Variants in GINS4 observed in about 807,000 individuals in gnomAD.
GINS4 encodes the protein GINS complex subunit 4.
A neutral mutation model predicts 31.1 loss-of-function variants in GINS4; 20 were observed. That is an observed-to-expected ratio of 0.64 (90% CI 0.45 to 0.93). GINS4 has a LOEUF of 0.93. Ranked by LOEUF, GINS4 falls within the 40% of genes least tolerant of loss-of-function variation. GINS4 has a pLI of 0.00. For missense variants in GINS4, 245 were observed against 273.9 expected (o/e 0.89, Z 0.75); for synonymous variants, 85 against 97.9 (o/e 0.87, Z 0.78).
rs141250807 is a variant in GINS4, at chr8:41,530,212, G to C, written c.10G>C (p.Glu4Gln). 4.8e-5 allele frequency: 78 copies of C among 1,613,058 alleles called. No homozygotes were observed. Among genetic ancestry groups the C allele is most frequent in the Non-Finnish European group, 8.5e-6 (10 of 1,179,186 alleles). The change falls in exon 2 of 8, where the codon GAA becomes CAA. Residue 4 changes from glutamate to glutamine, a missense_variant. Physicochemically the swap from Glu to Gln is conservative, Grantham distance 29. Transcript: ENST00000276533. MTE[E>Q]VDFLGQDSDG... ...CCTGGTTTCAGAGAAGATGACCGAA[G>C]AAGTGGATTTCCTGGGACAGGACTC...
intron 2 of GINS4, 58 bp from the exon 3 acceptor site, chr8:41,536,302 C>A: frequency 1.9e-6 from 2 of 1,040,754 alleles, no homozygotes; most frequent in Non-Finnish European, 3.0e-6. Flanking sequence ...GGCTGACTCA[C>A]TGGGTTGTTT....
Position 41,542,068 on chromosome 8 carries a change from G to C in GINS4, c.653G>C (p.Gly218Ala), listed in dbSNP as rs1806851469. Residue 218 changes from glycine (G) to alanine (A), a missense_variant, in exon 8 of 8, where the codon GGA becomes GCA. Coordinates refer to ENST00000276533, the MANE Select transcript of GINS4 (RefSeq NM_032336.3). ...ACCATTGCACCTCTGGTTGCATCTG[G>C]AGCTGTCCAGCTAATTTAAAACTAG... Reference protein sequence around the residue: ...YKTIAPLVASGAVQLI With the variant: ...YKTIAPLVASAAVQLI The C allele has an allele frequency of 1.2e-6, 2 of 1,613,680 alleles. No individual in the cohort carries two copies. Among genetic ancestry groups the C allele is most frequent in the Non-Finnish European group, 1.7e-6 (2 of 1,179,768 alleles).
rs768474635 is a variant in GINS4, at chr8:41,539,711, GA to G, written c.337del (p.Thr113HisfsTer29). The G allele has an allele frequency of 1.1e-5, 17 of 1,613,918 alleles. No individual in the cohort carries two copies. Among genetic ancestry groups the G allele is most frequent in the Non-Finnish European group, 1.4e-5 (16 of 1,179,964 alleles). ...EKFFPHVLEK[E>X]KTRPEGEPSS... ...GTTTTTCCCTCATGTCCTTGAGAAGGAAAAAACACGTCCTGAGGGGGAGCCT... is the reference window on the plus strand; with the variant it reads ...GTTTTTCCCTCATGTCCTTGAGAAGGAAAAACACGTCCTGAGGGGGAGCCT... On this transcript the variant is annotated frameshift_variant, in exon 5 of 8. Coordinates refer to ENST00000276533, the MANE Select transcript of GINS4 (RefSeq NM_032336.3). LOFTEE classifies it high-confidence loss of function.
At position 41,542,547 on chromosome 8, in the gene GINS4, T is replaced by C; in HGVS notation, c.*460T>C. 1 of 174,340 alleles carries C rather than the reference T, an allele frequency of 5.7e-6. No homozygotes were observed. 10.8% of individuals were successfully genotyped at this position (174,340 alleles called of 1,614,324 possible). On this transcript the variant is annotated 3_prime_UTR_variant, in exon 8 of 8. Coordinates refer to ENST00000276533, the MANE Select transcript of GINS4 (RefSeq NM_032336.3). ...TGGCGGGCCCATCTACTCAGGAGGC[T>C]GAGGCAGGAGAATGGTGTGAACCCG...
chr8:41,537,372 C>CCCCAGCCCAAG, intron 4 of GINS4, 79 bp downstream of exon 4: 2 of 1,087,814 alleles, frequency 1.8e-6, no homozygotes, highest in Non-Finnish European at 2.8e-6. Flanking sequence ...AAAACTTGGG[C>CCCCAGCCCAAG]TGGGGCCCAG....
rs61367318 is a variant in GINS4, at chr8:41,542,381, C to CA, written c.*305dup. On this transcript the variant is annotated 3_prime_UTR_variant, in exon 8 of 8. Coordinates refer to ENST00000276533, the MANE Select transcript of GINS4 (RefSeq NM_032336.3). ...CCTGGGTGACAGTGAGACTTTGTCT[C>CA]AAAAAAAAAAACAAAAAACAAAAAA... The CA allele has an allele frequency of 0.29, 51,238 of 177,842 alleles. 4,014 individuals carry two copies. Among genetic ancestry groups the CA allele is most frequent in the Middle Eastern group, 0.35 (164 of 468 alleles). 11.0% of individuals were successfully genotyped at this position (177,842 alleles called of 1,614,324 possible). A position where few individuals can be genotyped will look rare whatever the true frequency, so the allele number is the denominator to read the frequency against.
chr8:41,539,342 A>AC (rs1806795962), intron 4 of GINS4, among the ~76,000 whole-genome samples: 1 of 151,162 alleles, frequency 6.6e-6, no homozygotes, highest in African/African-American at 2.4e-5. Context: ...AAAAAAAAAA[A>AC]ACCTTATGTG....
At chr8:41,532,133 G>A (rs1806655731) in intron 2 of GINS4, among the ~76,000 whole-genome samples, 1 of 152,180 alleles carries the variant, frequency 6.6e-6, no homozygotes, top group Non-Finnish European at 1.5e-5. Context: ...AGAGTGAAAA[G>A]ACAGGCCACC....
At chr8:41,535,073 C>T (rs1214762843) in intron 2 of GINS4, among the ~76,000 whole-genome samples, 3 of 151,886 alleles carry the variant, frequency 2.0e-5, no homozygotes, top group Non-Finnish European at 2.9e-5. Context: ...CTCGGTGGCT[C>T]ACGCCTCTAA....
In GINS4 at chr8:41,541,940, G is replaced by A. The variant is rs78860704; in HGVS notation, c.575+41G>A. ...CTTTCACAGTGGGCACATTCCTCCC[G>A]ATGGAGGGCCAGCCGAGCTCTGCAG... On this transcript the variant is annotated intron_variant, in intron 7 of 7. Transcript: ENST00000276533. The A allele has an allele frequency of 1.3e-3, 2,143 of 1,609,212 alleles. 6 individuals carry two copies. The highest frequency in any genetic ancestry group is 0.011 in the African/African-American group (820 of 74,956).
chr8:41,530,344 T>C, intron 2 of GINS4, 46 bp downstream of exon 2: 1 of 1,378,114 alleles, frequency 7.3e-7, no homozygotes, highest in East Asian at 2.3e-5. Context: ...AGCCTTTTTA[T>C]TTAGTTCAAC....
chr8:41,538,790 C>T (rs1265456380), intron 4 of GINS4, among the ~76,000 whole-genome samples: 3 of 151,904 alleles, frequency 2.0e-5, no homozygotes, highest in Admixed American at 6.6e-5. Context: ...CTGCAACCTT[C>T]GCCCCCCAGG....
At chr8:41,536,936 C>T in intron 3 of GINS4, 1 of 473,248 alleles carries the variant, frequency 2.1e-6, no homozygotes, top group Non-Finnish European at 3.9e-6. Flanking sequence ...CGTCTGTGTG[C>T]TGTACTATCT....
At position 41,540,040 on chromosome 8, in the gene GINS4, A is replaced by G. The variant is rs750007483; in HGVS notation, c.484+36A>G. On this transcript the variant is annotated intron_variant, in intron 6 of 7. Transcript: ENST00000276533. ...CGTTCTCCCTGCAGGTGGCCCACCCATCCTCAGGTGTCCCAGGGTAGGATC... is the reference window on the plus strand; with the variant it reads ...CGTTCTCCCTGCAGGTGGCCCACCCGTCCTCAGGTGTCCCAGGGTAGGATC... 1.3e-5 allele frequency: 18 copies of G among 1,412,108 alleles called. No individual in the cohort carries two copies. In the South Asian group the frequency reaches 1.8e-4, roughly 14 times the overall value. The allele number at this position is 1,412,108 out of a possible 1,614,324, so 87.5% of individuals were successfully genotyped here. A position where few individuals can be genotyped will look rare whatever the true frequency, so the allele number is the denominator to read the frequency against.
Position 41,530,223 on chromosome 8 carries a change from C to A in GINS4, c.21C>A (p.Phe7Leu). ...AGAAGATGACCGAAGAAGTGGATTT[C>A]CTGGGACAGGACTCTGATGGGGGTA... Reference protein sequence around the residue: MTEEVDFLGQDSDGGSE... With the variant: MTEEVDLLGQDSDGGSE... Residue 7 changes from phenylalanine (F) to leucine (L), a missense_variant, in exon 2 of 8, where the codon TTC becomes TTA. By Grantham distance (22) the Phe-to-Leu change is conservative. Transcript: ENST00000276533. 2 of 1,613,788 alleles carry A rather than the reference C, an allele frequency of 1.2e-6. No individual in the cohort carries two copies. The highest frequency in any genetic ancestry group is 1.7e-4 in the Middle Eastern group (1 of 6,060).
intron 3 of GINS4, 67 bp downstream of exon 3, chr8:41,536,513 G>A: frequency 1.1e-6 from 1 of 911,226 alleles, no homozygotes; most frequent in Non-Finnish European, 1.8e-6. Flanking sequence ...AGCACACTGA[G>A]AGCTTGTGGT....
intron 6 of GINS4, chr8:41,540,437 G>A (rs186039682): frequency 4.3e-4 from 86 of 201,108 alleles, no homozygotes; most frequent in Non-Finnish European, 6.7e-4. Flanking sequence ...GCTGAAACAG[G>A]AGGCTAGGGA....
intron 2 of GINS4, among the ~76,000 whole-genome samples, chr8:41,535,694 A>G (rs766518122): frequency 1.3e-5 from 2 of 152,178 alleles, no homozygotes; most frequent in Non-Finnish European, 2.9e-5. Flanking sequence ...ACTTAGGGAT[A>G]TTTCAGTTCT....
At chr8:41,530,498 C>G (rs570572616) in intron 2 of GINS4, among the ~76,000 whole-genome samples, 200 bp downstream of exon 2, 24 of 152,288 alleles carry the variant, frequency 1.6e-4, no homozygotes, top group Admixed American at 9.8e-4. Flanking sequence ...CACAGCATCC[C>G]CAAGTGGGGT....
Sources: gnomAD v4.1 joint callset for allele counts (sites outside exome capture counted in the v4.1 genomes callset) on GRCh38, gnomAD v4.1.1 for gene constraint, MANE v1.5 for transcripts, NCBI Gene and HGNC (gene_info 2026-07-23, HGNC 2026-07-21) for gene names.